PTPRM: variants seen among roughly 807,000 people sequenced by gnomAD.
PTPRM encodes receptor-type tyrosine-protein phosphatase mu.
PTPRM carries 47 observed loss-of-function variants against 186.7 expected under a neutral mutation model. The observed-to-expected ratio is 0.25, with a 90% CI of 0.20 to 0.32. PTPRM has a LOEUF of 0.32. Ranked by LOEUF, PTPRM falls within the 10% of genes least tolerant of loss-of-function variation. The pLI, the probability that PTPRM is intolerant of heterozygous loss-of-function variation, is 1.00. For missense variants in PTPRM, 1,494 were observed against 1,865.0 expected, an observed-to-expected ratio of 0.80 and a Z score of 3.66; for synonymous variants, 668 against 674.9, an observed-to-expected ratio of 0.99 and a Z score of 0.16.
At chr18:7,690,034 A>G (rs777514259) in intron 1 of PTPRM, among the ~76,000 whole-genome samples, 4 of 152,204 alleles carry the variant, frequency 2.6e-5, no homozygotes, top group Middle Eastern at 3.2e-3. Context: ...TCAGAAATCA[A>G]AGGAGGGATC....
chr18:8,250,604 A>AC (rs565594133), intron 17 of PTPRM, among the ~76,000 whole-genome samples: 43 of 151,912 alleles, frequency 2.8e-4, no homozygotes, highest in Admixed American at 1.2e-3. Context: ...ACATAAGGAG[A>AC]CCCCCATCTC....
In PTPRM at chr18:8,143,652, GCCACTCCGAAA is replaced by G; in HGVS notation, c.2177_2187del (p.Thr726SerfsTer13). The G allele has an allele frequency of 6.3e-7, 1 of 1,594,008 alleles. No individual in the cohort carries two copies. Among genetic ancestry groups the G allele is most frequent in the Non-Finnish European group, 8.6e-7 (1 of 1,161,916 alleles). ...TCATTTCCTTTCATCTTCAGGAGCT[GCCACTCCGAAA>G]CCAGTCCCAGAACCCGAGAAACAGA... On this transcript the variant is annotated frameshift_variant, in exon 14 of 33. Coordinates refer to ENST00000580170, the MANE Select transcript of PTPRM (RefSeq NM_001105244.2). LOFTEE classifies it high-confidence loss of function.
At chr18:7,573,555 C>T (rs1303932776) in intron 1 of PTPRM, among the ~76,000 whole-genome samples, 2 of 151,946 alleles carry the variant, frequency 1.3e-5, no homozygotes, top group Non-Finnish European at 2.9e-5. Context: ...AAACGTTGTC[C>T]TGAAAGAGGA....
intron 1 of PTPRM, among the ~76,000 whole-genome samples, chr18:7,749,646 G>A (rs1210952412): frequency 6.6e-6 from 1 of 152,144 alleles, no homozygotes; most frequent in Non-Finnish European, 1.5e-5. Context: ...TCAGTGTGAG[G>A]AGGTGGTGTA....
In PTPRM at chr18:7,641,756, G is replaced by A. The variant is rs370598175; in HGVS notation, c.73+73865G>A. Among the ~76,000 whole-genome samples, 85 of 152,300 alleles carry A rather than the reference G, an allele frequency of 5.6e-4. 1 individual carries two copies. The highest frequency in any genetic ancestry group is 1.9e-3 in the African/African-American group (79 of 41,574). ...TATGATCAGAGAAAAAAGCAGTAAA[G>A]AATAGGTGAAACATTTATTGTATAC... On this transcript the variant is annotated intron_variant, in intron 1 of 32. Coordinates refer to ENST00000580170, the MANE Select transcript of PTPRM (RefSeq NM_001105244.2).
intron 2 of PTPRM, among the ~76,000 whole-genome samples, chr18:7,776,165 A>G (rs1243485829): frequency 6.6e-6 from 1 of 152,214 alleles, no homozygotes; most frequent in Non-Finnish European, 1.5e-5. Flanking sequence ...TTATTCTTCT[A>G]TTGATTAATA....
chr18:8,357,887 A>C (rs573081297), intron 23 of PTPRM, among the ~76,000 whole-genome samples: 10 of 152,216 alleles, frequency 6.6e-5, no homozygotes, highest in African/African-American at 2.4e-4. Context: ...AAAGAAACAC[A>C]TACTCGCAGA....
At chr18:7,810,495 G>A (rs1480972408) in intron 2 of PTPRM, among the ~76,000 whole-genome samples, 2 of 152,204 alleles carry the variant, frequency 1.3e-5, no homozygotes, top group Non-Finnish European at 2.9e-5. Flanking sequence ...AAGCCTGTTT[G>A]TAAGCAGTGG....
At chr18:8,227,737 G>A (rs370395341) in intron 14 of PTPRM, among the ~76,000 whole-genome samples, 1 of 152,176 alleles carries the variant, frequency 6.6e-6, no homozygotes, top group Non-Finnish European at 1.5e-5. Context: ...GTCTGATAGA[G>A]GATCAACAGT....
chr18:7,617,097 C>G (rs1016634407), intron 1 of PTPRM, among the ~76,000 whole-genome samples: 1 of 152,168 alleles, frequency 6.6e-6, no homozygotes, highest in Admixed American at 6.5e-5. Flanking sequence ...TGCCCTCTTT[C>G]CAGTAGAGAA....
chr18:7,815,052 C>G (rs1468056911), intron 2 of PTPRM: 1 of 152,178 alleles, frequency 6.6e-6, no homozygotes, highest in African/African-American at 2.4e-5. Flanking sequence ...AACCAACCAT[C>G]AGTCCTCCCA....
chr18:8,062,963 C>G (rs1170428248), intron 7 of PTPRM, among the ~76,000 whole-genome samples: 2 of 148,132 alleles, frequency 1.4e-5, no homozygotes, highest in Non-Finnish European at 3.0e-5. Flanking sequence ...AGGCAGGCCT[C>G]CTAGAGCTGT....
rs1007893616 is a variant in PTPRM, at chr18:8,203,409, G to T, written c.2301-40649G>T. 2.0e-5 allele frequency among the ~76,000 whole-genome samples: 3 copies of T among 152,092 alleles called. No homozygotes were observed. In the East Asian group the frequency reaches 5.8e-4, roughly 29 times the overall value. On this transcript the variant is annotated intron_variant, in intron 14 of 32. Transcript: ENST00000580170. ...CTGGCTTTCATTCTTTAAAAAGGTT[G>T]GTGTCATTAAAGGAAGAAATGCTGG...
chr18:8,240,534 G>GA (rs1309924789), intron 14 of PTPRM, among the ~76,000 whole-genome samples: 2 of 118,386 alleles, frequency 1.7e-5, no homozygotes, highest in Non-Finnish European at 3.5e-5. Context: ...AGGAAGGAAG[G>GA]AAGGAAGGAA....
At chr18:8,024,681 C>CTTTTT (rs397724573) in intron 7 of PTPRM, among the ~76,000 whole-genome samples, 65,434 of 124,168 alleles carry the variant, frequency 0.53, 18,260 homozygotes, top group African/African-American at 0.64. Flanking sequence ...AAACCCAAAT[C>CTTTTT]TTTTTTTTTT....
At chr18:8,032,753 A>G (rs1181152486) in intron 7 of PTPRM, among the ~76,000 whole-genome samples, 1 of 152,156 alleles carries the variant, frequency 6.6e-6, no homozygotes, top group Non-Finnish European at 1.5e-5. Context: ...AAATACAAGC[A>G]TATTAAATTT....
At chr18:8,203,430 G>T (rs2093885230) in intron 14 of PTPRM, among the ~76,000 whole-genome samples, 1 of 152,180 alleles carries the variant, frequency 6.6e-6, no homozygotes, top group African/African-American at 2.4e-5. Flanking sequence ...AGGAAGAAAT[G>T]CTGGGGATTG....
chr18:7,889,712 C>T (rs72636711), intron 3 of PTPRM, among the ~76,000 whole-genome samples: 15,742 of 147,262 alleles, frequency 0.11, 1,077 homozygotes, highest in East Asian at 0.29. Context: ...TAAAAGAAGA[C>T]ACCCTCTGCA....
At chr18:7,744,078 TACTC>T (rs775711138) in intron 1 of PTPRM, among the ~76,000 whole-genome samples, 5 of 152,196 alleles carry the variant, frequency 3.3e-5, no homozygotes, top group Non-Finnish European at 7.4e-5. Flanking sequence ...TTTCAAGAAT[TACTC>T]AGTAGAGCTT....
Sources: allele counts gnomAD v4.1 joint callset (sites outside exome capture counted in the v4.1 genomes callset), GRCh38; gene constraint gnomAD v4.1.1; transcripts MANE v1.5; gene names NCBI Gene and HGNC (gene_info 2026-07-23, HGNC 2026-07-21).